The following CCDC85A variants were observed in gnomAD, a reference collection of about 807,000 sequenced individuals.
The protein encoded by CCDC85A is coiled-coil domain-containing protein 85A.
In CCDC85A, 38 loss-of-function variants were observed where a neutral mutation model predicts 50.2. The ratio of observed to expected loss-of-function variants is 0.76; its 90% CI spans 0.58 to 0.99. The LOEUF is 0.99. CCDC85A is among the 50% of genes least tolerant of loss of function. CCDC85A has a pLI of 0.00. For missense variants in CCDC85A, 820 were observed against 742.0 expected (o/e 1.11, Z -1.22); for synonymous variants, 366 against 301.4 (o/e 1.21, Z -2.22).
chr2:56,310,345 A>C (rs889920614), intron 2 of CCDC85A, among the ~76,000 whole-genome samples: 2 of 152,306 alleles, frequency 1.3e-5, no homozygotes, highest in South Asian at 4.1e-4. Flanking sequence ...TGAGGAGGTT[A>C]GCTCATATTC....
At chr2:56,331,732 T>G (rs1333978629) in intron 2 of CCDC85A, among the ~76,000 whole-genome samples, 2 of 152,230 alleles carry the variant, frequency 1.3e-5, no homozygotes, top group Non-Finnish European at 2.9e-5. Flanking sequence ...CACTGCTGTT[T>G]CAGAAAACAC....
intron 2 of CCDC85A, among the ~76,000 whole-genome samples, chr2:56,317,429 G>A (rs191076002): frequency 6.6e-6 from 1 of 152,006 alleles, no homozygotes; most frequent in Non-Finnish European, 1.5e-5. Flanking sequence ...GAAACATTAT[G>A]CCATTTTTCA....
chr2:56,259,411 A>G (rs1670126228), intron 2 of CCDC85A, among the ~76,000 whole-genome samples: 2 of 152,172 alleles, frequency 1.3e-5, no homozygotes, highest in African/African-American at 4.8e-5. Flanking sequence ...CTATTGCTCC[A>G]GTGCCTCCCT....
chr2:56,330,118 A>G (rs1480498584), intron 2 of CCDC85A, among the ~76,000 whole-genome samples: 2 of 151,894 alleles, frequency 1.3e-5, no homozygotes, highest in African/African-American at 4.8e-5. Flanking sequence ...AAAGGCAGTT[A>G]TTTTCTCTGG....
chr2:56,228,726 G>A (rs1327715050), intron 2 of CCDC85A, among the ~76,000 whole-genome samples: 1 of 151,884 alleles, frequency 6.6e-6, no homozygotes, highest in East Asian at 1.9e-4. Context: ...GTAGAGACAC[G>A]GTTTCACTGT....
At chr2:56,255,727 A>C (rs886453430) in intron 2 of CCDC85A, among the ~76,000 whole-genome samples, 8 of 151,600 alleles carry the variant, frequency 5.3e-5, no homozygotes, top group Non-Finnish European at 8.8e-5. Flanking sequence ...ATCATGTGAG[A>C]CTCTTAAAGT....
At chr2:56,376,211 G>T (rs1676330679) in intron 5 of CCDC85A, among the ~76,000 whole-genome samples, 1 of 152,128 alleles carries the variant, frequency 6.6e-6, no homozygotes, top group Admixed American at 6.5e-5. Context: ...GTCTGTGCAT[G>T]TATATCCATA....
intron 2 of CCDC85A, among the ~76,000 whole-genome samples, chr2:56,264,466 A>T (rs1670351520): frequency 6.6e-6 from 1 of 151,872 alleles, no homozygotes; most frequent in Non-Finnish European, 1.5e-5. Context: ...TACCCAAACC[A>T]CCTGCAAATC....
intron 2 of CCDC85A, among the ~76,000 whole-genome samples, 174 bp from the exon 3 acceptor site, chr2:56,342,705 T>G (rs755449991): frequency 6.6e-5 from 10 of 152,154 alleles, no homozygotes; most frequent in Non-Finnish European, 1.0e-4. Flanking sequence ...TCAAAACTGT[T>G]TTTAGTTTCA....
intron 3 of CCDC85A, among the ~76,000 whole-genome samples, chr2:56,343,680 A>C (rs946718168): frequency 6.6e-6 from 1 of 152,168 alleles, no homozygotes; most frequent in Non-Finnish European, 1.5e-5. Flanking sequence ...AAGCATGTGG[A>C]CAATAATATA....
chr2:56,256,182 T>G (rs1669976080), intron 2 of CCDC85A, among the ~76,000 whole-genome samples: 1 of 152,208 alleles, frequency 6.6e-6, no homozygotes. Context: ...ATGAAAGGGC[T>G]ATTGTTGGAA....
At chr2:56,246,537 A>G (rs1669518588) in intron 2 of CCDC85A, among the ~76,000 whole-genome samples, 1 of 152,072 alleles carries the variant, frequency 6.6e-6, no homozygotes, top group Non-Finnish European at 1.5e-5. Context: ...TTTTGAGTTA[A>G]CTTTTGTATA....
chr2:56,304,270 A>G (rs1426711671), intron 2 of CCDC85A, among the ~76,000 whole-genome samples: 1 of 152,188 alleles, frequency 6.6e-6, no homozygotes, highest in Non-Finnish European at 1.5e-5. Context: ...TCTTGACTTA[A>G]TGGAGAATTC....
intron 2 of CCDC85A, among the ~76,000 whole-genome samples, chr2:56,253,048 A>AC: frequency 6.6e-6 from 1 of 152,096 alleles, no homozygotes; most frequent in East Asian, 1.9e-4. Flanking sequence ...ATAAATAACA[A>AC]AAAAAGTAAA....
intron 3 of CCDC85A, among the ~76,000 whole-genome samples, chr2:56,367,530 C>A (rs1490939563): frequency 6.6e-6 from 1 of 152,128 alleles, no homozygotes; most frequent in East Asian, 1.9e-4. Flanking sequence ...GCTATAGCGA[C>A]ATTTTGGGCT....
intron 2 of CCDC85A, among the ~76,000 whole-genome samples, chr2:56,291,750 T>C (rs1384975133): frequency 6.6e-6 from 1 of 150,596 alleles, no homozygotes; most frequent in Non-Finnish European, 1.5e-5. Flanking sequence ...TGTTTGGTTT[T>C]TACTCAAAGA....
intron 4 of CCDC85A, among the ~76,000 whole-genome samples, 181 bp from the exon 5 acceptor site, chr2:56,375,635 T>G (rs1010494927): frequency 6.6e-6 from 1 of 152,236 alleles, no homozygotes; most frequent in Non-Finnish European, 1.5e-5. Context: ...TCTTTATGTT[T>G]TCTTGCTGGT....
chr2:56,299,774 G>A (rs1672117398), intron 2 of CCDC85A, among the ~76,000 whole-genome samples: 1 of 152,122 alleles, frequency 6.6e-6, no homozygotes, highest in Non-Finnish European at 1.5e-5. Flanking sequence ...AAATCCTAAA[G>A]TAATATTACC....
intron 2 of CCDC85A, among the ~76,000 whole-genome samples, chr2:56,322,158 A>G (rs1319806749): frequency 6.6e-6 from 1 of 152,216 alleles, no homozygotes; most frequent in Non-Finnish European, 1.5e-5. Flanking sequence ...TGGATTAAAG[A>G]CTTAAATGTT....
Sources: gnomAD v4.1 joint callset for allele counts (sites outside exome capture counted in the v4.1 genomes callset) on GRCh38, gnomAD v4.1.1 for gene constraint, MANE v1.5 for transcripts, NCBI Gene and HGNC (gene_info 2026-07-23, HGNC 2026-07-21) for gene names.